The following XIAP variants were observed in gnomAD, a reference collection of about 807,000 sequenced individuals.
The protein encoded by XIAP is E3 ubiquitin-protein ligase XIAP.
A neutral mutation model predicts 33.1 loss-of-function variants in XIAP; 3 were observed. The ratio of observed to expected loss-of-function variants is 0.09; its 90% confidence interval spans 0.04 to 0.23. The LOEUF (loss-of-function observed/expected upper bound fraction) is 0.23. XIAP is among the 10% of genes least tolerant of loss of function. The pLI, the probability that XIAP is intolerant of heterozygous loss-of-function variation, is 1.00. For missense variants in XIAP, 264 were observed against 363.0 expected (o/e 0.73, Z 2.22); for synonymous variants, 98 against 121.3 (o/e 0.81, Z 1.26).
At chrX:123,891,433 C>T (rs1024895583) in intron 4 of XIAP, 117 bp downstream of exon 4, 1 of 372,950 alleles carries the variant, frequency 2.7e-6, no homozygotes, top group Middle Eastern at 8.2e-4. Flanking sequence ...GTGATATTCA[C>T]AGTATAGTAT....
At position 123,913,421 on chromosome X, in the gene XIAP, G is replaced by A. The variant is rs2053625114; in HGVS notation, c.*6240G>A. On this transcript the variant is annotated 3_prime_UTR_variant, in exon 7 of 7. Transcript: ENST00000371199. ...GGAGGCGGAGGTTGCAGGGAGCCAA[G>A]ATGGCGCCACCGCACTCCAGCCTAG... 3.1e-6 allele frequency: 1 copy of A among 326,483 alleles called. No individual in the cohort carries two copies. The highest frequency in any genetic ancestry group is 2.7e-5 in the African/African-American group (1 of 37,568). 26.9% of individuals were successfully genotyped at this position (326,483 alleles called of 1,213,427 possible).
At position 123,913,563 on chromosome X, in the gene XIAP, A is replaced by G. The variant is rs778258242; in HGVS notation, c.*6382A>G. 4 of 324,786 alleles carry G rather than the reference A, an allele frequency of 1.2e-5. No homozygotes were observed. The highest frequency in any genetic ancestry group is 2.7e-5 in the South Asian group (1 of 37,310). The allele number at this position is 324,786 out of a possible 1,213,427, so 26.8% of individuals were successfully genotyped here. ...GAATCTGAAGTTTGCAGATATGCCT[A>G]TAGATTTTTGGAGTTTACCACTTTC... On this transcript the variant is annotated 3_prime_UTR_variant, in exon 7 of 7. Coordinates refer to ENST00000371199, the MANE Select transcript of XIAP (RefSeq NM_001167.4).
chrX:123,872,409 C>T (rs2053203043), intron 1 of XIAP, among the ~76,000 whole-genome samples: 1 of 108,690 alleles, frequency 9.2e-6, no homozygotes, highest in Non-Finnish European at 1.9e-5. Flanking sequence ...ATAAGTTGGC[C>T]GGGTGTGGTG....
chrX:123,874,096 C>T (rs2053220415), intron 1 of XIAP, among the ~76,000 whole-genome samples: 1 of 111,558 alleles, frequency 9.0e-6, no homozygotes, highest in Admixed American at 9.7e-5. Flanking sequence ...CAAAACTTTG[C>T]ATTACCAGGC....
At chrX:123,867,037 TC>T (rs1556398576) in intron 1 of XIAP, among the ~76,000 whole-genome samples, 383 of 37,898 alleles carry the variant, frequency 0.01, 11 homozygotes, top group South Asian at 0.029. Flanking sequence ...GTTGTTTTAA[TC>T]CCCCCCCCCC....
At chrX:123,864,689 A>C (rs2053115461) in intron 1 of XIAP, among the ~76,000 whole-genome samples, 1 of 81,687 alleles carries the variant, frequency 1.2e-5, no homozygotes, top group Admixed American at 1.4e-4. Context: ...TGTTTTAGTA[A>C]AGACAGGGTG....
chrX:123,896,931 T>C (rs1210176905), intron 5 of XIAP, among the ~76,000 whole-genome samples: 1 of 100,685 alleles, frequency 9.9e-6, no homozygotes, highest in East Asian at 3.1e-4. Flanking sequence ...TCTTTAATTT[T>C]TTTTTTTTTT....
chrX:123,905,618 G>T, intron 6 of XIAP, among the ~76,000 whole-genome samples: 1 of 111,521 alleles, frequency 9.0e-6, no homozygotes, highest in Non-Finnish European at 1.9e-5. Flanking sequence ...TGAACTATTG[G>T]GGGCCTGAGG....
intron 2 of XIAP, 41 bp from the exon 3 acceptor site, chrX:123,888,578 T>A: frequency 8.8e-7 from 1 of 1,130,572 alleles, no homozygotes; most frequent in South Asian, 1.8e-5. Flanking sequence ...TGTGTAAGCT[T>A]CTAATTGCAC....
At chrX:123,880,998 T>C (rs2053299040) in intron 1 of XIAP, among the ~76,000 whole-genome samples, 1 of 111,203 alleles carries the variant, frequency 9.0e-6, no homozygotes, top group South Asian at 3.7e-4. Flanking sequence ...CATTTAAACA[T>C]GCACCATTGC....
At chrX:123,863,675 A>G (rs888301630) in intron 1 of XIAP, among the ~76,000 whole-genome samples, 2 of 110,389 alleles carry the variant, frequency 1.8e-5, no homozygotes, top group African/African-American at 6.6e-5. Context: ...CGCCCGGCTA[A>G]TTTTGTATTT....
At chrX:123,877,881 G>A (rs7882409) in intron 1 of XIAP, among the ~76,000 whole-genome samples, 20,810 of 109,088 alleles carry the variant, frequency 0.19, 1,471 homozygotes, top group South Asian at 0.39. Context: ...GACTGAGGCA[G>A]AAGAATGGCG....
chrX:123,867,037 TCC>T lies in XIAP; in HGVS notation c.-33+6755_-33+6756del, dbSNP rs1556398576. 1.6e-4 allele frequency among the ~76,000 whole-genome samples: 6 copies of T among 37,963 alleles called. No individual in the cohort carries two copies. The East Asian group carries it at 1.9e-3, about 12-fold the overall frequency. 33.0% of individuals were successfully genotyped at this position (37,963 alleles called of 115,157 possible). A position where few individuals can be genotyped will look rare whatever the true frequency, so the allele number is the denominator to read the frequency against. ...TCATATTGTCTACAGGTTGTTTTAATCCCCCCCCCCCCTTCAACATTCTATAG... is the reference window on the plus strand; with the variant it reads ...TCATATTGTCTACAGGTTGTTTTAATCCCCCCCCCCTTCAACATTCTATAG... On this transcript the variant is annotated intron_variant, in intron 1 of 6. Transcript: ENST00000371199.
upstream of XIAP, chrX:123,859,992 G>A: frequency 3.3e-6 from 1 of 305,775 alleles, no homozygotes; most frequent in South Asian, 2.8e-5. Flanking sequence ...GGAGGGACAC[G>A]CCGGGGCCCA....
intron 1 of XIAP, among the ~76,000 whole-genome samples, chrX:123,884,327 A>C (rs1477177516): frequency 9.0e-6 from 1 of 110,804 alleles, no homozygotes; most frequent in African/African-American, 3.3e-5. Context: ...CTACTAAAAA[A>C]TACAAAATTA....
At chrX:123,877,521 C>G (rs898223657) in intron 1 of XIAP, among the ~76,000 whole-genome samples, 3 of 112,131 alleles carry the variant, frequency 2.7e-5, no homozygotes, top group African/African-American at 9.7e-5. Context: ...GAAAGCAACT[C>G]CTAAAAATAG....
intron 1 of XIAP, chrX:123,873,928 C>T (rs1043124227): frequency 1.0e-5 from 1 of 100,352 alleles, no homozygotes; most frequent in African/African-American, 3.7e-5. Context: ...AGCAAGAGTC[C>T]GTCTGAAAAA....
At chrX:123,877,161 G>A (rs2053253682) in intron 1 of XIAP, among the ~76,000 whole-genome samples, 1 of 109,813 alleles carries the variant, frequency 9.1e-6, no homozygotes, top group Admixed American at 9.8e-5. Context: ...CGCCTTCTGG[G>A]TTCAAGTAAT....
At chrX:123,861,395 T>C (rs2053077768) in intron 1 of XIAP, among the ~76,000 whole-genome samples, 1 of 111,682 alleles carries the variant, frequency 9.0e-6, no homozygotes, top group Non-Finnish European at 1.9e-5. Flanking sequence ...TGTATTTCAA[T>C]GTATTTAACA....
Sources: allele counts gnomAD v4.1 joint callset (sites outside exome capture counted in the v4.1 genomes callset), GRCh38; gene constraint gnomAD v4.1.1; transcripts MANE v1.5; gene names NCBI Gene and HGNC (gene_info 2026-07-23, HGNC 2026-07-21).